ECRG4: variants seen among roughly 807,000 people sequenced by gnomAD.
The protein encoded by ECRG4 is augurin.
Under a neutral mutation model 15.8 loss-of-function variants are expected in ECRG4, and 18 were observed. The observed-to-expected ratio is 1.14, with a 90% CI of 0.79 to 1.69. ECRG4 has a LOEUF of 1.69. Among genes scored for constraint, ECRG4 ranks in the 40% most tolerant of loss-of-function variants. ECRG4 has a pLI of 0.00. For synonymous variants in ECRG4, 82 were observed against 73.9 expected, an observed-to-expected ratio of 1.11 and a Z score of -0.56; for missense variants, 200 against 190.9, an observed-to-expected ratio of 1.05 and a Z score of -0.28.
rs906094015 is a variant in ECRG4 at position 106,067,065 on chromosome 2, G to GAA, written c.79+1222_79+1223insAA. On this transcript the variant is annotated intron_variant, in intron 1 of 3. Coordinates refer to ENST00000238044, the MANE Select transcript of ECRG4 (RefSeq NM_032411.3). ...TCCCAGCACTTTGGGAGGCCGGGGG[G>GAA]GGGGGGGGGGCAGATCACCTGAGGT... 3.3e-5 allele frequency among the ~76,000 whole-genome samples: 3 copies of GAA among 91,736 alleles called. 1 individual carries two copies. Among genetic ancestry groups the GAA allele is most frequent in the Non-Finnish European group, 7.4e-5 (3 of 40,322 alleles). 60.2% of individuals were successfully genotyped at this position (91,736 alleles called of 152,430 possible).
chr2:106,076,276 A>T (rs1676484895), intron 3 of ECRG4, among the ~76,000 whole-genome samples: 2 of 152,308 alleles, frequency 1.3e-5, no homozygotes, highest in Admixed American at 1.3e-4. Context: ...AGCTGAGATC[A>T]TGCCACTTCA....
chr2:106,070,626 A>AT (rs1043561875), intron 1 of ECRG4, among the ~76,000 whole-genome samples: 9 of 152,190 alleles, frequency 5.9e-5, no homozygotes, highest in Admixed American at 2.0e-4. Context: ...TAAAACATTT[A>AT]TTTTTTCCCC....
chr2:106,067,291 G>A (rs950066592), intron 1 of ECRG4, among the ~76,000 whole-genome samples: 3 of 151,066 alleles, frequency 2.0e-5, no homozygotes, highest in Non-Finnish European at 4.4e-5. Flanking sequence ...AAACTCCGTC[G>A]CAAAATAAAA....
intron 1 of ECRG4, 121 bp downstream of exon 1, chr2:106,065,964 G>T (rs1313534792): frequency 5.7e-6 from 5 of 881,944 alleles, no homozygotes; most frequent in Non-Finnish European, 6.4e-6. Flanking sequence ...CCCATCCTTA[G>T]CCTAGGCAGG....
intron 1 of ECRG4, among the ~76,000 whole-genome samples, chr2:106,069,147 C>T (rs879404685): frequency 0.046 from 5,827 of 126,924 alleles, 183 homozygotes; most frequent in Non-Finnish European, 0.061. Context: ...TTCTTTCTTT[C>T]TTTTCTTTCT....
At chr2:106,068,010 T>TC in intron 1 of ECRG4, among the ~76,000 whole-genome samples, 1 of 150,712 alleles carries the variant, frequency 6.6e-6, no homozygotes, top group Non-Finnish European at 1.5e-5. Context: ...AATTTTTTTT[T>TC]TTTCTTTTAA....
intron 2 of ECRG4, 27 bp downstream of exon 2, chr2:106,071,918 A>G (rs1484110768): frequency 6.3e-7 from 1 of 1,591,894 alleles, no homozygotes; most frequent in Non-Finnish European, 8.6e-7. Flanking sequence ...TGGATAAGGG[A>G]TGCATTCTTA....
rs200886632 is a variant in ECRG4, at chr2:106,069,307, TTC to T, written c.80-2536_80-2535del. Among the ~76,000 whole-genome samples, 677 of 150,702 alleles carry T rather than the reference TTC, an allele frequency of 4.5e-3. 22 individuals carry two copies. The highest frequency in any genetic ancestry group is 0.038 in the Admixed American group (567 of 15,014). Reference sequence around the variant, plus strand: ...TCTCTTTCTTTCTTTCCTTCCTTCCTTCCTTCTTTCTTTCTCTCTCTCTTTCT... The same window carrying T: ...TCTCTTTCTTTCTTTCCTTCCTTCCTCTTCTTTCTTTCTCTCTCTCTTTCT... On this transcript the variant is annotated intron_variant, in intron 1 of 3. Transcript: ENST00000238044.
chr2:106,071,008 A>G (rs1392016155), intron 1 of ECRG4: 1 of 471,234 alleles, frequency 2.1e-6, no homozygotes, highest in South Asian at 1.5e-5. Flanking sequence ...CAGACAAGGT[A>G]TTTTCTATTA....
chr2:106,073,955 A>G lies in ECRG4; in HGVS notation c.197A>G (p.Lys66Arg), dbSNP rs957313468. The stretch of plus-strand genomic sequence containing the variant: ...GCCAAAGAATTCCTTGGCAGCCTGA[A>G]GCGCCAGAAGCGGCAGCTGTGGGAC... The part of the protein sequence containing the change: ...NKAKEFLGSL[K>R]RQKRQLWDRT... The change falls in exon 3 of 4, where the codon AAG (lysine) becomes AGG (arginine). Residue 66 changes from lysine (K) to arginine (R), a missense_variant. Physicochemically the swap from Lys to Arg is conservative, Grantham distance 26 (BLOSUM62 2). Transcript: ENST00000238044. 1.2e-6 allele frequency: 2 copies of G among 1,614,206 alleles called. No homozygotes were observed. Among genetic ancestry groups the G allele is most frequent in the East Asian group, 2.2e-5 (1 of 44,884 alleles).
At chr2:106,075,048 A>G (rs1573363970) in intron 3 of ECRG4, among the ~76,000 whole-genome samples, 1 of 152,068 alleles carries the variant, frequency 6.6e-6, no homozygotes, top group Non-Finnish European at 1.5e-5. Flanking sequence ...AAATAGGTAA[A>G]CATGTATAGC....
intron 3 of ECRG4, among the ~76,000 whole-genome samples, chr2:106,076,604 G>A (rs1338667199): frequency 6.6e-6 from 1 of 152,082 alleles, no homozygotes; most frequent in Non-Finnish European, 1.5e-5. Context: ...CACAGACACG[G>A]GCTAGGCTGG....
intron 2 of ECRG4, 147 bp from the exon 3 acceptor site, chr2:106,073,739 C>T (rs1676419632): frequency 1.1e-6 from 1 of 896,186 alleles, no homozygotes; most frequent in Non-Finnish European, 1.8e-6. Flanking sequence ...GGCTGTGTCA[C>T]ATTGTCACAT....
At chr2:106,069,129 C>CTTTCTTT (rs1676287412) in intron 1 of ECRG4, among the ~76,000 whole-genome samples, 3 of 144,194 alleles carry the variant, frequency 2.1e-5, no homozygotes, top group Admixed American at 7.0e-5. Context: ...TTCTTCCTTT[C>CTTTCTTT]TCTTTCTTTC....
intron 1 of ECRG4, chr2:106,071,143 C>A (rs1426329263): frequency 2.5e-6 from 1 of 395,766 alleles, no homozygotes; most frequent in Non-Finnish European, 5.1e-6. Context: ...TTTTAGAGAG[C>A]AAAGGCAAGT....
chr2:106,063,537 C>G (rs576451710), upstream of ECRG4: 2 of 152,250 alleles, frequency 1.3e-5, no homozygotes, highest in Middle Eastern at 3.4e-3. Flanking sequence ...CAGAGTGAGA[C>G]GCTCCCTGCT....
In ECRG4 at chr2:106,077,330, C is replaced by T. The variant is rs139961096; in HGVS notation, c.286-435C>T. The stretch of plus-strand genomic sequence containing the variant: ...AATGCAGTGGTTGATCTAACTCAGG[C>T]AACATTTATTAAGCATCTACTACAT... On this transcript the variant is annotated intron_variant, in intron 3 of 3. Transcript: ENST00000238044. 1.3e-3 allele frequency among the ~76,000 whole-genome samples: 194 copies of T among 152,308 alleles called. No homozygotes were observed. The Middle Eastern group carries it at 0.037, about 29-fold the overall frequency.
At chr2:106,069,090 C>T (rs1355099518) in intron 1 of ECRG4, among the ~76,000 whole-genome samples, 1 of 149,870 alleles carries the variant, frequency 6.7e-6, no homozygotes, top group African/African-American at 2.5e-5. Flanking sequence ...TTTCCTTCCT[C>T]CCTTCCTTCC....
At chr2:106,069,598 G>C (rs945662282) in intron 1 of ECRG4, among the ~76,000 whole-genome samples, 1 of 152,184 alleles carries the variant, frequency 6.6e-6, no homozygotes, top group Non-Finnish European at 1.5e-5. Flanking sequence ...GCCTCCCAAA[G>C]TGCTGGGGTT....
Sources: allele counts gnomAD v4.1 joint callset (sites outside exome capture counted in the v4.1 genomes callset), GRCh38; gene constraint gnomAD v4.1.1; transcripts MANE v1.5; gene names NCBI Gene and HGNC (gene_info 2026-07-23, HGNC 2026-07-21).